ADGRL3: variants seen among roughly 807,000 people sequenced by gnomAD.
The protein encoded by ADGRL3 is calcium-independent alpha-latrotoxin receptor 3.
ADGRL3 carries 62 observed loss-of-function variants against 153.5 expected under a neutral mutation model. The observed-to-expected ratio is 0.40, with a 90% CI of 0.33 to 0.50. The LOEUF (loss-of-function observed/expected upper bound fraction) is 0.50. Among genes scored for constraint, ADGRL3 ranks in the 20% least tolerant of loss-of-function variants. The probability of loss-of-function intolerance (pLI) is 0.47; values close to 1 mark genes in which losing one functional copy is unlikely to be tolerated. For synonymous variants in ADGRL3, 710 were observed against 672.5 expected, an observed-to-expected ratio of 1.06 and a Z score of -0.86; for missense variants, 1,641 against 1,859.4, an observed-to-expected ratio of 0.88 and a Z score of 2.16.
At chr4:61,641,997 T>C (rs893964634) in intron 5 of ADGRL3, among the ~76,000 whole-genome samples, 2 of 150,918 alleles carry the variant, frequency 1.3e-5, no homozygotes, top group South Asian at 2.1e-4. Context: ...TGTGAGATGG[T>C]ATCTCATTGT....
intron 9 of ADGRL3, among the ~76,000 whole-genome samples, chr4:61,862,914 G>A (rs2098358299): frequency 6.6e-6 from 1 of 152,092 alleles, no homozygotes; most frequent in South Asian, 2.1e-4. Flanking sequence ...GGGGGTGAAG[G>A]GAGCTTATTT....
At chr4:61,761,844 G>A (rs967893810) in intron 8 of ADGRL3, among the ~76,000 whole-genome samples, 6 of 152,152 alleles carry the variant, frequency 3.9e-5, no homozygotes, top group African/African-American at 1.4e-4. Context: ...CGTGAGAGGA[G>A]TGCTTGTGCC....
intron 8 of ADGRL3, among the ~76,000 whole-genome samples, chr4:61,797,584 C>A (rs2097430134): frequency 6.6e-6 from 1 of 152,078 alleles, no homozygotes; most frequent in Admixed American, 6.6e-5. Flanking sequence ...CAATAAATAT[C>A]ATCAATGTGA....
At chr4:61,643,617 C>G (rs1269924656) in intron 5 of ADGRL3, among the ~76,000 whole-genome samples, 13 of 143,152 alleles carry the variant, frequency 9.1e-5, no homozygotes, top group Non-Finnish European at 1.8e-4. Context: ...ATTGAACCAG[C>G]CTTGCATCCC....
intron 1 of ADGRL3, among the ~76,000 whole-genome samples, chr4:61,301,811 G>T (rs1241447963): frequency 6.6e-6 from 1 of 151,994 alleles, no homozygotes; most frequent in East Asian, 1.9e-4. Context: ...GCACTAAAAA[G>T]AACATAAAAA....
chr4:61,695,378 A>T (rs1290070833), intron 6 of ADGRL3, among the ~76,000 whole-genome samples: 3 of 152,200 alleles, frequency 2.0e-5, no homozygotes, highest in Non-Finnish European at 1.5e-5. Flanking sequence ...TCAGAGGTTT[A>T]AGGTGACTAG....
chr4:61,932,022 C>A (rs2098819576), intron 13 of ADGRL3, among the ~76,000 whole-genome samples: 1 of 151,954 alleles, frequency 6.6e-6, no homozygotes, highest in African/African-American at 2.4e-5. Flanking sequence ...CACGTACACA[C>A]ACATATACAT....
At chr4:61,310,768 C>T (rs887699721) in intron 1 of ADGRL3, among the ~76,000 whole-genome samples, 2 of 149,450 alleles carry the variant, frequency 1.3e-5, no homozygotes, top group Admixed American at 1.3e-4. Context: ...GTTCCCTTTC[C>T]TTTCATCTGC....
At chr4:61,968,009 C>T (rs1180262188) in intron 17 of ADGRL3, among the ~76,000 whole-genome samples, 1 of 152,102 alleles carries the variant, frequency 6.6e-6, no homozygotes, top group Non-Finnish European at 1.5e-5. Context: ...AAGAGAAGGC[C>T]GAACTTGCCC....
chr4:61,432,634 CTTTCTTTCTTTCT>C (rs2097379769), intron 2 of ADGRL3, among the ~76,000 whole-genome samples: 1 of 32,586 alleles, frequency 3.1e-5, no homozygotes, highest in African/African-American at 9.7e-5. Context: ...TTCTTTCTTT[CTTTCTTTCTTTCT>C]TTCTTTCTTT....
chr4:61,229,952 GA>G (rs1343047414), intron 1 of ADGRL3, among the ~76,000 whole-genome samples: 2 of 151,770 alleles, frequency 1.3e-5, no homozygotes, highest in African/African-American at 4.8e-5. Flanking sequence ...TATATAGATA[GA>G]TAGATAGATA....
rs1179045725 is a variant in ADGRL3 at position 61,796,889 on chromosome 4, G to A, written c.1400-16920G>A. 2.0e-4 allele frequency among the ~76,000 whole-genome samples: 30 copies of A among 152,160 alleles called. 1 individual carries two copies. Reference sequence around the variant, plus strand: ...ATACAAAGAAGTATTTCAACATGGAGCAGTTAGTACCCCTTCTATATTTGG... The same window carrying A: ...ATACAAAGAAGTATTTCAACATGGAACAGTTAGTACCCCTTCTATATTTGG... On this transcript the variant is annotated intron_variant, in intron 8 of 26. Coordinates refer to ENST00000683033, the MANE Select transcript of ADGRL3 (RefSeq NM_001387552.1).
intron 3 of ADGRL3, among the ~76,000 whole-genome samples, chr4:61,497,551 TG>T (rs1339195221): frequency 6.8e-6 from 1 of 147,432 alleles, no homozygotes; most frequent in African/African-American, 2.5e-5. Context: ...AGCCTCGCAC[TG>T]TCACCCAGGC....
At chr4:61,919,540 A>G (rs746872293) in intron 13 of ADGRL3, among the ~76,000 whole-genome samples, 1 of 152,218 alleles carries the variant, frequency 6.6e-6, no homozygotes, top group Non-Finnish European at 1.5e-5. Context: ...CAGATAAAGA[A>G]TGGTTATAAG....
At chr4:61,548,140 C>T (rs1040513554) in intron 4 of ADGRL3, among the ~76,000 whole-genome samples, 1 of 151,904 alleles carries the variant, frequency 6.6e-6, no homozygotes, top group Non-Finnish European at 1.5e-5. Flanking sequence ...TTGCTTTTTG[C>T]TTGCACATTT....
At chr4:61,869,751 C>A (rs565732903) in intron 9 of ADGRL3, among the ~76,000 whole-genome samples, 10 of 150,870 alleles carry the variant, frequency 6.6e-5, no homozygotes, top group African/African-American at 2.4e-4. Flanking sequence ...CCAGCCTGAC[C>A]AACATGGAGA....
rs564843105 is a variant in ADGRL3 at position 61,200,525 on chromosome 4, C to T, written c.-1480C>T. 2.6e-5 allele frequency among the ~76,000 whole-genome samples: 4 copies of T among 151,952 alleles called. No homozygotes were observed. The South Asian group carries it at 8.3e-4, about 32-fold the overall frequency. ...GGCGCCGCCGCCGCCGCCGCCGCCGCTGCTGCTGGTTTTTCTCGGACTGCT... is the reference window on the plus strand; with the variant it reads ...GGCGCCGCCGCCGCCGCCGCCGCCGTTGCTGCTGGTTTTTCTCGGACTGCT... On this transcript the variant is annotated 5_prime_UTR_variant, in exon 1 of 27. Coordinates refer to ENST00000683033, the MANE Select transcript of ADGRL3 (RefSeq NM_001387552.1).
intron 13 of ADGRL3, among the ~76,000 whole-genome samples, chr4:61,918,631 G>T (rs764501483): frequency 2.6e-5 from 4 of 152,124 alleles, no homozygotes; most frequent in Non-Finnish European, 5.9e-5. Context: ...AGGAGAGCAT[G>T]GTATCCTGGA....
At chr4:61,545,401 G>A (rs1314015864) in intron 4 of ADGRL3, among the ~76,000 whole-genome samples, 1 of 152,192 alleles carries the variant, frequency 6.6e-6, no homozygotes, top group East Asian at 1.9e-4. Flanking sequence ...AAACCCTAGA[G>A]ACAGAGGTTG....
Sources: allele counts gnomAD v4.1 joint callset (sites outside exome capture counted in the v4.1 genomes callset), GRCh38; gene constraint gnomAD v4.1.1; transcripts MANE v1.5; gene names NCBI Gene and HGNC (gene_info 2026-07-23, HGNC 2026-07-21).